CACNA2D1: variants seen among roughly 807,000 people sequenced by gnomAD.
CACNA2D1 encodes the protein voltage-dependent calcium channel subunit alpha-2/delta-1.
In CACNA2D1, 53 loss-of-function variants were observed where a neutral mutation model predicts 171.5. The observed-to-expected ratio is 0.31, with a 90% CI of 0.25 to 0.39. The LOEUF (loss-of-function observed/expected upper bound fraction) is 0.39. CACNA2D1 is among the 10% of genes least tolerant of loss of function. The pLI, the probability that CACNA2D1 is intolerant of heterozygous loss-of-function variation, is 1.00. For synonymous variants in CACNA2D1, 442 were observed against 443.1 expected, an observed-to-expected ratio of 1.00 and a Z score of 0.03; for missense variants, 903 against 1,299.8, an observed-to-expected ratio of 0.69 and a Z score of 4.69.
chr7:82,422,813 C>T (rs776708415), intron 1 of CACNA2D1, among the ~76,000 whole-genome samples: 1 of 151,642 alleles, frequency 6.6e-6, no homozygotes, highest in Non-Finnish European at 1.5e-5. Flanking sequence ...ACGTGCAACA[C>T]AGAACATCAT....
intron 3 of CACNA2D1, among the ~76,000 whole-genome samples, chr7:82,236,116 G>A (rs1339231970): frequency 7.3e-6 from 1 of 137,174 alleles, no homozygotes; most frequent in Non-Finnish European, 1.7e-5. Flanking sequence ...GCACTTCCTT[G>A]TCGAGGGAAA....
At chr7:82,205,722 G>A (rs1032630431) in intron 3 of CACNA2D1, among the ~76,000 whole-genome samples, 6 of 152,014 alleles carry the variant, frequency 3.9e-5, no homozygotes, top group East Asian at 1.9e-4. Flanking sequence ...TGCTATTTAC[G>A]TTTTCCAAGA....
chr7:82,271,915 T>C (rs1317043039), intron 3 of CACNA2D1, among the ~76,000 whole-genome samples: 1 of 84,716 alleles, frequency 1.2e-5, no homozygotes, highest in South Asian at 3.4e-4. Context: ...AAAACTCTAA[T>C]AATCACTTTC....
chr7:82,124,251 TC>T (rs530954540), intron 5 of CACNA2D1, among the ~76,000 whole-genome samples: 258 of 152,096 alleles, frequency 1.7e-3, no homozygotes, highest in African/African-American at 5.8e-3. Flanking sequence ...TAGAACTAAA[TC>T]AAAAGGAAAA....
chr7:82,196,210 T>G (rs973419902), intron 3 of CACNA2D1, among the ~76,000 whole-genome samples: 1 of 152,080 alleles, frequency 6.6e-6, no homozygotes, highest in Non-Finnish European at 1.5e-5. Flanking sequence ...TCCATATACA[T>G]GGTCTAATAA....
intron 6 of CACNA2D1, among the ~76,000 whole-genome samples, chr7:82,104,823 C>A (rs1813125182): frequency 6.6e-6 from 1 of 152,010 alleles, no homozygotes; most frequent in Non-Finnish European, 1.5e-5. Context: ...AGTGATGTGA[C>A]TACAATATAT....
intron 1 of CACNA2D1, among the ~76,000 whole-genome samples, chr7:82,355,646 G>A (rs1820336257): frequency 6.6e-6 from 1 of 151,916 alleles, no homozygotes; most frequent in Non-Finnish European, 1.5e-5. Flanking sequence ...TGAGACCCGT[G>A]CTCCTATGGC....
chr7:82,084,692 A>G, intron 7 of CACNA2D1, 77 bp downstream of exon 7: 1 of 1,476,740 alleles, frequency 6.8e-7, no homozygotes, highest in Non-Finnish European at 9.5e-7. Flanking sequence ...TTCTTACAGT[A>G]TCAGGGAAGA....
At chr7:82,369,690 T>A (rs994567137) in intron 1 of CACNA2D1, among the ~76,000 whole-genome samples, 1 of 152,042 alleles carries the variant, frequency 6.6e-6, no homozygotes, top group Admixed American at 6.6e-5. Context: ...TAGTATATCA[T>A]GACCAAGGAA....
At chr7:82,045,590 C>T (rs1164153242) in intron 10 of CACNA2D1, among the ~76,000 whole-genome samples, 2 of 152,146 alleles carry the variant, frequency 1.3e-5, no homozygotes, top group Admixed American at 1.3e-4. Flanking sequence ...ATGATACATT[C>T]ATTCATGATA....
At chr7:82,021,734 A>C (rs932553678) in intron 12 of CACNA2D1, among the ~76,000 whole-genome samples, 1 of 152,068 alleles carries the variant, frequency 6.6e-6, no homozygotes, top group Non-Finnish European at 1.5e-5. Context: ...TGGTAATCTG[A>C]GGGAAAGAAG....
intron 12 of CACNA2D1, among the ~76,000 whole-genome samples, chr7:82,017,925 A>G (rs1277968181): frequency 1.3e-5 from 2 of 152,122 alleles, no homozygotes; most frequent in African/African-American, 4.8e-5. Flanking sequence ...TGTGGAGAAA[A>G]AATTCCTTTA....
intron 37 of CACNA2D1, 129 bp downstream of exon 37, chr7:81,959,591 C>T (rs535651925): frequency 1.8e-5 from 19 of 1,036,090 alleles, no homozygotes; most frequent in Admixed American, 6.1e-5. Flanking sequence ...AGTGAGGAAT[C>T]GATTCTGCCT....
chr7:82,376,597 G>A (rs1019245757), intron 1 of CACNA2D1, among the ~76,000 whole-genome samples: 8 of 152,110 alleles, frequency 5.3e-5, no homozygotes, highest in South Asian at 2.1e-4. Flanking sequence ...CTTCTTTTCC[G>A]AATATACATC....
At chr7:82,299,087 A>G (rs1205076552) in intron 3 of CACNA2D1, among the ~76,000 whole-genome samples, 1 of 146,396 alleles carries the variant, frequency 6.8e-6, no homozygotes, top group African/African-American at 2.5e-5. Context: ...AGTAAAAATA[A>G]TAGTAAATAC....
At chr7:82,160,593 C>T (rs575085298) in intron 4 of CACNA2D1, among the ~76,000 whole-genome samples, 1 of 152,118 alleles carries the variant, frequency 6.6e-6, no homozygotes, top group East Asian at 1.9e-4. Context: ...TCACGCCTCC[C>T]AAGTAGCTGG....
intron 3 of CACNA2D1, among the ~76,000 whole-genome samples, chr7:82,249,415 T>C (rs535842274): frequency 1.4e-4 from 22 of 152,288 alleles, no homozygotes; most frequent in African/African-American, 4.1e-4. Flanking sequence ...ATCATTTGGC[T>C]TGGTTAAAAA....
At chr7:82,107,116 T>C (rs1453282095) in intron 6 of CACNA2D1, among the ~76,000 whole-genome samples, 2 of 152,082 alleles carry the variant, frequency 1.3e-5, no homozygotes, top group Non-Finnish European at 2.9e-5. Context: ...CTATCCAACA[T>C]TTTATGCCTT....
At chr7:82,214,434 C>T (rs1221160258) in intron 3 of CACNA2D1, among the ~76,000 whole-genome samples, 6 of 150,072 alleles carry the variant, frequency 4.0e-5, no homozygotes, top group Admixed American at 1.3e-4. Flanking sequence ...CAAGCCCATG[C>T]GCAAGGTGGC....
Sources: gnomAD v4.1 joint callset for allele counts (sites outside exome capture counted in the v4.1 genomes callset) on GRCh38, gnomAD v4.1.1 for gene constraint, MANE v1.5 for transcripts, NCBI Gene and HGNC (gene_info 2026-07-23, HGNC 2026-07-21) for gene names.